The following ABHD18 variants were observed in gnomAD, a reference collection of about 807,000 sequenced individuals.
ABHD18 encodes the protein abhydrolase domain containing 18.
Under a neutral mutation model 65.9 loss-of-function variants are expected in ABHD18, and 55 were observed. That is an observed-to-expected ratio of 0.84 (90% CI 0.67 to 1.05). ABHD18 has a LOEUF of 1.05. Among genes scored for constraint, ABHD18 ranks in the 50% least tolerant of loss-of-function variants. The pLI is 0.00. For synonymous variants in ABHD18, 181 were observed against 180.2 expected (o/e 1.00, Z -0.04); for missense variants, 533 against 558.5 (o/e 0.95, Z 0.46).
intron 4 of ABHD18, chr4:128,001,742 A>G (rs1223376484): frequency 3.0e-5 from 47 of 1,547,938 alleles, no homozygotes; most frequent in Non-Finnish European, 3.8e-5. Flanking sequence ...CTTGATACCA[A>G]CTTGATTCTT....
At position 128,026,708 on chromosome 4, in the gene ABHD18, C is replaced by T. The variant is rs539211554; in HGVS notation, c.802-1767C>T. ...TTAAATTCTATTGTACAGTCATGCT[C>T]TGCATAACAATGCTTCAGTCACATA... On this transcript the variant is annotated intron_variant, in intron 10 of 12. Transcript: ENST00000645843. 3.3e-5 allele frequency among the ~76,000 whole-genome samples: 5 copies of T among 151,956 alleles called. No individual in the cohort carries two copies. The South Asian group carries it at 8.3e-4, about 25-fold the overall frequency.
chr4:127,982,768 A>C (rs981505506), intron 1 of ABHD18, among the ~76,000 whole-genome samples, 171 bp from the exon 2 acceptor site: 2 of 152,146 alleles, frequency 1.3e-5, no homozygotes, highest in African/African-American at 4.8e-5. Context: ...CATCTTCTCT[A>C]TTTTCAACTC....
intron 7 of ABHD18, among the ~76,000 whole-genome samples, chr4:128,013,183 C>T (rs1257886198): frequency 1.3e-5 from 2 of 151,536 alleles, no homozygotes; most frequent in Non-Finnish European, 2.9e-5. Flanking sequence ...AGATGAGTGG[C>T]CTGATTTATA....
intron 2 of ABHD18, 50 bp downstream of exon 2, chr4:127,983,097 G>T: frequency 7.8e-7 from 1 of 1,288,674 alleles, no homozygotes; most frequent in South Asian, 1.3e-5. Context: ...TTGTTTTAAT[G>T]AACATTTAAA....
At chr4:127,972,924 G>A (rs960450905) in intron 1 of ABHD18, among the ~76,000 whole-genome samples, 2 of 151,886 alleles carry the variant, frequency 1.3e-5, no homozygotes, top group South Asian at 4.1e-4. Context: ...TGGTTTTTTT[G>A]TTGTTGTTTC....
rs529533308 is a variant in ABHD18 at position 128,030,451 on chromosome 4, T to A, written c.1181-59T>A. 3 of 1,196,678 alleles carry A rather than the reference T, an allele frequency of 2.5e-6. No homozygotes were observed. The East Asian group carries it at 8.4e-5, about 34-fold the overall frequency. The allele number at this position is 1,196,678 out of a possible 1,614,324, so 74.1% of individuals were successfully genotyped here. The stretch of plus-strand genomic sequence containing the variant: ...GACGAATGTTTTATTTACTGCATTG[T>A]GTGGGTTTTTTTATTTTCTAATGTG... On this transcript the variant is annotated intron_variant, in intron 11 of 12. Coordinates refer to ENST00000645843, the MANE Select transcript of ABHD18 (RefSeq NM_001358451.3).
intron 3 of ABHD18, among the ~76,000 whole-genome samples, chr4:127,986,065 T>C (rs1749893297): frequency 6.6e-6 from 1 of 152,142 alleles, no homozygotes; most frequent in African/African-American, 2.4e-5. Context: ...TACAATTGAA[T>C]GGTTTTTAAA....
intron 4 of ABHD18, among the ~76,000 whole-genome samples, chr4:128,008,261 CTTTTTTTTTTTT>C (rs1167728243): frequency 5.1e-5 from 5 of 97,772 alleles, no homozygotes; most frequent in South Asian, 6.3e-4. Flanking sequence ...GACTCCGTTC[CTTTTTTTTTTTT>C]TTTTTTTTTT....
At chr4:128,021,364 A>C in intron 10 of ABHD18, 126 bp downstream of exon 10, 1 of 607,532 alleles carries the variant, frequency 1.6e-6, no homozygotes. Context: ...TTTTTACTTT[A>C]AAAGATTTTT....
chr4:128,005,243 A>G (rs1753411479), intron 4 of ABHD18, among the ~76,000 whole-genome samples: 1 of 152,176 alleles, frequency 6.6e-6, no homozygotes, highest in African/African-American at 2.4e-5. Flanking sequence ...AAAATTGTAC[A>G]TATCCAAAAC....
At chr4:127,975,749 T>G (rs1169377583) in intron 1 of ABHD18, among the ~76,000 whole-genome samples, 2 of 152,226 alleles carry the variant, frequency 1.3e-5, no homozygotes, top group Non-Finnish European at 2.9e-5. Flanking sequence ...AGAATTTTTT[T>G]AAATCAATAT....
chr4:127,980,637 G>A (rs948850365), intron 1 of ABHD18, among the ~76,000 whole-genome samples: 2 of 151,450 alleles, frequency 1.3e-5, no homozygotes, highest in Admixed American at 1.3e-4. Context: ...CAGCCTGGAC[G>A]ACATGGTGAA....
At chr4:127,969,405 G>A (rs1579094168) in intron 1 of ABHD18, among the ~76,000 whole-genome samples, 1 of 151,834 alleles carries the variant, frequency 6.6e-6, no homozygotes, top group African/African-American at 2.4e-5. Context: ...TTCTCCATGG[G>A]TCAGGCTGGT....
At chr4:128,027,401 A>G (rs1481869277) in intron 10 of ABHD18, among the ~76,000 whole-genome samples, 3 of 151,292 alleles carry the variant, frequency 2.0e-5, no homozygotes, top group Non-Finnish European at 4.4e-5. Context: ...TTTTTTCTTG[A>G]TAATTTTTTT....
rs961715986 is a variant in ABHD18 at position 128,039,734 on chromosome 4, G to A, written c.*3921G>A. The A allele has an allele frequency of 1.3e-5, 2 of 151,266 alleles. No homozygotes were observed. Among genetic ancestry groups the A allele is most frequent in the African/African-American group, 4.9e-5 (2 of 41,138 alleles). The allele number at this position is 151,266 out of a possible 1,614,324, so 9.4% of individuals were successfully genotyped here. A position where few individuals can be genotyped will look rare whatever the true frequency, so the allele number is the denominator to read the frequency against. On this transcript the variant is annotated 3_prime_UTR_variant, in exon 13 of 13. Transcript: ENST00000645843. Reference sequence around the variant, plus strand: ...TAATCATTTGTGCTTTTTTTCAAGAGGTATTATTGTAAATACGGTAGACAC... The same window carrying A: ...TAATCATTTGTGCTTTTTTTCAAGAAGTATTATTGTAAATACGGTAGACAC...
intron 4 of ABHD18, among the ~76,000 whole-genome samples, chr4:127,995,760 TACA>T (rs1292068511): frequency 1.3e-5 from 2 of 152,218 alleles, no homozygotes; most frequent in African/African-American, 2.4e-5. Context: ...TTCTAATGAT[TACA>T]ACAATAGTTT....
chr4:128,028,691 TTCAA>T lies in ABHD18; in HGVS notation c.1023_1026del (p.Asn341LysfsTer35). 6.8e-6 allele frequency: 11 copies of T among 1,613,910 alleles called. No homozygotes were observed. Among genetic ancestry groups the T allele is most frequent in the African/African-American group, 1.3e-5 (1 of 75,056 alleles). ...GCAAGATACCTCTAAGATGAAGCGC[TTCAA>T]TCAAACACTTTCAACCAACAAAAGT... On this transcript the variant is annotated frameshift_variant, in exon 11 of 13. Coordinates refer to ENST00000645843, the MANE Select transcript of ABHD18 (RefSeq NM_001358451.3). LOFTEE classifies it high-confidence loss of function.
chr4:127,973,890 T>A (rs539064891), intron 1 of ABHD18, among the ~76,000 whole-genome samples: 1 of 150,372 alleles, frequency 6.7e-6, no homozygotes, highest in African/African-American at 2.4e-5. Context: ...AAATGAATTC[T>A]GCCTTCAACC....
intron 1 of ABHD18, among the ~76,000 whole-genome samples, chr4:127,966,526 T>A (rs902451551): frequency 6.6e-6 from 1 of 151,878 alleles, no homozygotes; most frequent in Non-Finnish European, 1.5e-5. Flanking sequence ...TGACCTTGTG[T>A]GTATCAGCCA....
Sources: gnomAD v4.1 joint callset for allele counts (sites outside exome capture counted in the v4.1 genomes callset) on GRCh38, gnomAD v4.1.1 for gene constraint, MANE v1.5 for transcripts, NCBI Gene and HGNC (gene_info 2026-07-23, HGNC 2026-07-21) for gene names.